Variants in STK32C observed in about 807,000 individuals in gnomAD.
STK32C encodes serine/threonine kinase 32C, also known as serine/threonine-protein kinase 32C.
A neutral mutation model predicts 56.5 loss-of-function variants in STK32C; 31 were observed. That is an observed-to-expected ratio of 0.55 (90% CI 0.41 to 0.74). STK32C has a LOEUF of 0.74. Among genes scored for constraint, STK32C ranks in the 30% least tolerant of loss-of-function variants. STK32C has a pLI of 0.00. For synonymous variants in STK32C, 309 were observed against 289.4 expected (o/e 1.07, Z -0.69); for missense variants, 544 against 676.9 (o/e 0.80, Z 2.18).
intron 1 of STK32C, among the ~76,000 whole-genome samples, chr10:132,290,691 C>A (rs2065537374): frequency 6.6e-6 from 1 of 152,232 alleles, no homozygotes; most frequent in Non-Finnish European, 1.5e-5. Flanking sequence ...ATCCCCCTGA[C>A]CACAGCCCTG....
At chr10:132,231,657 TGAG>T (rs1034597901) in intron 2 of STK32C, among the ~76,000 whole-genome samples, 1 of 152,168 alleles carries the variant, frequency 6.6e-6, no homozygotes, top group Non-Finnish European at 1.5e-5. Context: ...GTAATTAAGT[TGAG>T]GATCTGGAGG....
intron 10 of STK32C, among the ~76,000 whole-genome samples, chr10:132,216,281 A>T (rs2062468923): frequency 6.6e-6 from 1 of 152,122 alleles, no homozygotes; most frequent in Non-Finnish European, 1.5e-5. Flanking sequence ...CCTGGCCAAC[A>T]TGGTGAAACC....
chr10:132,212,116 A>G (rs2062323928), intron 10 of STK32C, among the ~76,000 whole-genome samples: 1 of 152,150 alleles, frequency 6.6e-6, no homozygotes, highest in South Asian at 2.1e-4. Context: ...CTCAGCATTC[A>G]GTGGAAATGC....
chr10:132,219,595 C>T (rs1050559352), intron 10 of STK32C, among the ~76,000 whole-genome samples: 4 of 152,254 alleles, frequency 2.6e-5, no homozygotes, highest in Non-Finnish European at 4.4e-5. Flanking sequence ...CCCCGAGAAC[C>T]TTCCAACCAT....
chr10:132,273,497 G>A (rs896718989), intron 1 of STK32C, among the ~76,000 whole-genome samples: 7 of 151,514 alleles, frequency 4.6e-5, no homozygotes, highest in African/African-American at 1.7e-4. Context: ...ACGAATGCAC[G>A]GTTAATGATA....
intron 2 of STK32C, among the ~76,000 whole-genome samples, chr10:132,239,106 T>C (rs11812442): frequency 0.17 from 25,542 of 152,212 alleles, 2,545 homozygotes; most frequent in Middle Eastern, 0.24. Context: ...GGGTCTGCAG[T>C]GGCCAGTACT....
At chr10:132,273,556 G>A (rs1228379438) in intron 1 of STK32C, among the ~76,000 whole-genome samples, 2 of 151,180 alleles carry the variant, frequency 1.3e-5, no homozygotes, top group Non-Finnish European at 3.0e-5. Context: ...AGATGAATGA[G>A]CGAATGAACA....
chr10:132,270,641 C>T (rs1278822091), intron 1 of STK32C, among the ~76,000 whole-genome samples: 1 of 152,214 alleles, frequency 6.6e-6, no homozygotes, highest in Non-Finnish European at 1.5e-5. Context: ...GAACCCATGG[C>T]CTTATTTGCT....
chr10:132,267,771 A>C (rs2064616614), intron 1 of STK32C, among the ~76,000 whole-genome samples: 1 of 106,632 alleles, frequency 9.4e-6, no homozygotes, highest in Non-Finnish European at 1.9e-5. Context: ...ATGCATGTGC[A>C]TGCAGGTTCA....
intron 1 of STK32C, among the ~76,000 whole-genome samples, chr10:132,328,583 C>T (rs2066553236): frequency 6.6e-6 from 1 of 152,194 alleles, no homozygotes; most frequent in Non-Finnish European, 1.5e-5. Flanking sequence ...AGGGCTATTA[C>T]CCATTTTGTT....
At chr10:132,276,298 T>C (rs975052680) in intron 1 of STK32C, among the ~76,000 whole-genome samples, 10 of 152,202 alleles carry the variant, frequency 6.6e-5, no homozygotes, top group African/African-American at 2.4e-4. Flanking sequence ...TGGGATCGGC[T>C]GGCATCAGGC....
At chr10:132,263,141 G>A (rs755059225) in intron 1 of STK32C, among the ~76,000 whole-genome samples, 5 of 152,184 alleles carry the variant, frequency 3.3e-5, no homozygotes, top group Non-Finnish European at 7.3e-5. Context: ...ACGCGCATTC[G>A]TGTGTTCATT....
chr10:132,302,757 G>A (rs1294753793), intron 1 of STK32C, among the ~76,000 whole-genome samples: 1 of 152,220 alleles, frequency 6.6e-6, no homozygotes, highest in African/African-American at 2.4e-5. Flanking sequence ...GCTCTGGAAG[G>A]ACAACCCGTC....
upstream of STK32C, chr10:132,332,048 A>C: frequency 7.2e-6 from 2 of 277,530 alleles, no homozygotes; most frequent in Non-Finnish European, 1.3e-5. Context: ...ACGCAGGCAC[A>C]AACCCCCACA....
intron 8 of STK32C, among the ~76,000 whole-genome samples, chr10:132,223,401 G>A (rs558079175): frequency 1.8e-4 from 28 of 152,356 alleles, no homozygotes; most frequent in African/African-American, 5.8e-4. Context: ...AGATGAGCCC[G>A]GGGCAGCCAT....
intron 3 of STK32C, 96 bp from the exon 4 acceptor site, chr10:132,227,064 C>T: frequency 7.2e-7 from 1 of 1,398,576 alleles, no homozygotes; most frequent in Non-Finnish European, 9.8e-7. Context: ...GACCACAGCC[C>T]CACCCCAGCA....
intron 1 of STK32C, among the ~76,000 whole-genome samples, chr10:132,284,801 A>G (rs866230758): frequency 1.0e-3 from 112 of 108,622 alleles, no homozygotes; most frequent in Middle Eastern, 9.4e-3. Flanking sequence ...ATGAACCCAG[A>G]ACACATTCCC....
intron 1 of STK32C, among the ~76,000 whole-genome samples, chr10:132,266,318 G>T (rs1267588660): frequency 1.3e-5 from 2 of 152,294 alleles, no homozygotes; most frequent in South Asian, 4.1e-4. Flanking sequence ...GTCTCTGGGG[G>T]TAGGAAGGGG....
chr10:132,319,752 TA>T (rs2066369168), downstream of STK32C, among the ~76,000 whole-genome samples: 1 of 152,192 alleles, frequency 6.6e-6, no homozygotes, highest in Non-Finnish European at 1.5e-5. Flanking sequence ...GGTATAAATT[TA>T]CTGTAAATTG....
Sources: allele counts gnomAD v4.1 joint callset (sites outside exome capture counted in the v4.1 genomes callset), GRCh38; gene constraint gnomAD v4.1.1; transcripts MANE v1.5; gene names NCBI Gene and HGNC (gene_info 2026-07-23, HGNC 2026-07-21).